Variants in STK33 observed in about 807,000 individuals in gnomAD.
STK33 encodes the protein serine/threonine kinase 33.
Under a neutral mutation model 58.0 loss-of-function variants are expected in STK33, and 52 were observed. That is an observed-to-expected ratio of 0.90 (90% CI 0.72 to 1.13). The LOEUF is 1.13. STK33 is among the 50% of genes most tolerant of loss of function. The pLI is 0.00. For missense variants in STK33, 630 were observed against 604.2 expected (o/e 1.04, Z -0.45); for synonymous variants, 215 against 200.1 (o/e 1.07, Z -0.63).
the STK33 span, among the ~76,000 whole-genome samples, chr11:8,357,008 G>C: frequency 2.0e-5 from 3 of 152,176 alleles, no homozygotes; most frequent in Non-Finnish European, 1.5e-5. Flanking sequence ...AGGTGGAGGC[G>C]CTGCCCCGCA....
At chr11:8,374,645 A>AC in the STK33 span, among the ~76,000 whole-genome samples, 15 of 152,136 alleles carry the variant, frequency 9.9e-5, no homozygotes, top group Non-Finnish European at 1.9e-4. Flanking sequence ...ACCATAACAT[A>AC]CCTCTATAAA....
At chr11:8,569,006 G>C (rs546228355) in intron 1 of STK33, among the ~76,000 whole-genome samples, 1 of 152,214 alleles carries the variant, frequency 6.6e-6, no homozygotes, top group African/African-American at 2.4e-5. Context: ...CATTCAAATA[G>C]AATAAAGCCC....
At chr11:8,592,167 C>T (rs754612664) in intron 1 of STK33, among the ~76,000 whole-genome samples, 2 of 152,088 alleles carry the variant, frequency 1.3e-5, no homozygotes, top group African/African-American at 2.4e-5. Flanking sequence ...CAGTTTTCTG[C>T]CTTGCCCTGT....
the STK33 span, among the ~76,000 whole-genome samples, chr11:8,372,384 GC>G: frequency 4.0e-5 from 6 of 151,702 alleles, no homozygotes; most frequent in Non-Finnish European, 8.8e-5. Context: ...GCTGGCTCAG[GC>G]CTGGAGAAGG....
chr11:8,335,849 TAC>T, the STK33 span, among the ~76,000 whole-genome samples: 1 of 152,252 alleles, frequency 6.6e-6, no homozygotes, highest in East Asian at 1.9e-4. Context: ...GCGTGTATTT[TAC>T]ACTCACAGCA....
At chr11:8,565,618 A>C (rs1366447440) in intron 1 of STK33, 3 of 152,238 alleles carry the variant, frequency 2.0e-5, no homozygotes, top group African/African-American at 7.2e-5. Flanking sequence ...GGAGAAAAAG[A>C]GATAATGTAC....
At chr11:8,485,946 C>T (rs956509165) in intron 1 of STK33, among the ~76,000 whole-genome samples, 1 of 152,200 alleles carries the variant, frequency 6.6e-6, no homozygotes, top group African/African-American at 2.4e-5. Flanking sequence ...CCCTCTCCCT[C>T]AGTCTCCACA....
intron 1 of STK33, among the ~76,000 whole-genome samples, chr11:8,507,995 A>T (rs182141178): frequency 1.4e-3 from 208 of 152,160 alleles, no homozygotes; most frequent in Admixed American, 2.4e-3. Flanking sequence ...GGTTCAAGCG[A>T]TTCTTCCATC....
downstream of STK33, among the ~76,000 whole-genome samples, chr11:8,389,302 G>A (rs1171358005): frequency 6.6e-6 from 1 of 152,204 alleles, no homozygotes; most frequent in Non-Finnish European, 1.5e-5. Context: ...GAGGCACTCG[G>A]GAGTCAGCGT....
At chr11:8,461,719 G>C in intron 8 of STK33, 86 bp downstream of exon 8, 1 of 1,054,614 alleles carries the variant, frequency 9.5e-7, no homozygotes, top group Non-Finnish European at 1.3e-6. Flanking sequence ...GAGCAACTGT[G>C]CCCCAAAGGG....
At chr11:8,487,515 G>C (rs1014158829) in intron 1 of STK33, among the ~76,000 whole-genome samples, 2 of 151,490 alleles carry the variant, frequency 1.3e-5, no homozygotes, top group Non-Finnish European at 2.9e-5. Context: ...AGATCATCCA[G>C]GAAGGATATG....
chr11:8,495,481 C>T (rs550765519), intron 1 of STK33, among the ~76,000 whole-genome samples: 17 of 152,252 alleles, frequency 1.1e-4, no homozygotes, highest in South Asian at 4.2e-4. Flanking sequence ...GAAACAGGAA[C>T]GCTGTTACAC....
intron 1 of STK33, among the ~76,000 whole-genome samples, chr11:8,586,009 C>A (rs146534308): frequency 6.6e-6 from 1 of 152,040 alleles, no homozygotes; most frequent in East Asian, 1.9e-4. Flanking sequence ...ACCAAGATTG[C>A]GCCACTGTAC....
chr11:8,507,349 C>T (rs1015627089), intron 1 of STK33, among the ~76,000 whole-genome samples: 1 of 152,172 alleles, frequency 6.6e-6, no homozygotes, highest in African/African-American at 2.4e-5. Context: ...TTTTAGTTTA[C>T]TCATCAGTAA....
rs71452455 is a variant in STK33 at position 8,406,142 on chromosome 11, C to CCA, written c.1344+7352_1344+7353insTG. ...TGGGTGACAGAGCGAGACTCCGTCTCAAAAAAAAAAAAAAAAAAAAAAAAA... is the reference window on the plus strand; with the variant it reads ...TGGGTGACAGAGCGAGACTCCGTCTCCAAAAAAAAAAAAAAAAAAAAAAAAAA... On this transcript the variant is annotated intron_variant, in intron 15 of 15. Coordinates refer to ENST00000687296, the MANE Select transcript of STK33 (RefSeq NM_001352389.2). Among the ~76,000 whole-genome samples the CCA allele has an allele frequency of 4.2e-5, 4 of 94,702 alleles. No individual in the cohort carries two copies. The Admixed American group carries it at 5.1e-4, about 12-fold the overall frequency. 62.1% of individuals were successfully genotyped at this position (94,702 alleles called of 152,430 possible).
chr11:8,388,032 C>T (rs900621323), downstream of STK33, among the ~76,000 whole-genome samples: 4 of 152,172 alleles, frequency 2.6e-5, no homozygotes, highest in Non-Finnish European at 4.4e-5. Flanking sequence ...CGGAGAGGAA[C>T]CAGCAGAAGC....
the STK33 span, among the ~76,000 whole-genome samples, chr11:8,386,020 A>G: frequency 1.3e-5 from 2 of 151,616 alleles, no homozygotes; most frequent in African/African-American, 4.9e-5. Context: ...TGATCCACCC[A>G]CCTTGGCCTC....
chr11:8,578,598 C>G (rs577090812), intron 1 of STK33, among the ~76,000 whole-genome samples: 2 of 151,178 alleles, frequency 1.3e-5, no homozygotes, highest in Admixed American at 6.6e-5. Context: ...CATTTTTGTA[C>G]GTGTAATTCA....
chr11:8,468,341 A>G (rs1948427240), intron 6 of STK33, among the ~76,000 whole-genome samples: 1 of 152,206 alleles, frequency 6.6e-6, no homozygotes, highest in Non-Finnish European at 1.5e-5. Context: ...GAGCTACAAG[A>G]TGAGATTTGG....
Sources: gnomAD v4.1 joint callset for allele counts (sites outside exome capture counted in the v4.1 genomes callset) on GRCh38, gnomAD v4.1.1 for gene constraint, MANE v1.5 for transcripts, NCBI Gene and HGNC (gene_info 2026-07-23, HGNC 2026-07-21) for gene names.